The following CSMD1 variants were observed in gnomAD, a reference collection of about 807,000 sequenced individuals.
The protein encoded by CSMD1 is CUB and Sushi multiple domains 1.
In CSMD1, 213 loss-of-function variants were observed where a neutral mutation model predicts 417.5. The observed-to-expected ratio is 0.51, with a 90% CI of 0.46 to 0.57. The LOEUF is 0.57. Among genes scored for constraint, CSMD1 ranks in the 20% least tolerant of loss-of-function variants. The pLI, the probability that CSMD1 is intolerant of heterozygous loss-of-function variation, is 0.00. For synonymous variants in CSMD1, 2,862 were observed against 1,736.8 expected (o/e 1.65, Z -16.11); for missense variants, 6,923 against 4,529.7 (o/e 1.53, Z -15.17).
intron 1 of CSMD1, among the ~76,000 whole-genome samples, chr8:4,764,885 A>ACAAAACAAAAC (rs1263324929): frequency 2.7e-5 from 2 of 74,810 alleles, no homozygotes; most frequent in Admixed American, 1.7e-4. Flanking sequence ...AAAAAAAAAA[A>ACAAAACAAAAC]AAAAAAAAAC....
At chr8:4,317,174 CA>C (rs1386323178) in intron 3 of CSMD1, among the ~76,000 whole-genome samples, 1 of 152,130 alleles carries the variant, frequency 6.6e-6, no homozygotes, top group Non-Finnish European at 1.5e-5. Context: ...TAAAGTTTTA[CA>C]GTTTATAAAG....
chr8:4,460,265 G>A (rs555545198), intron 2 of CSMD1, among the ~76,000 whole-genome samples: 2 of 151,568 alleles, frequency 1.3e-5, no homozygotes, highest in South Asian at 2.1e-4. Context: ...AAATCACTAG[G>A]GAAATTTAAA....
At chr8:3,902,819 T>C (rs564578577) in intron 5 of CSMD1, among the ~76,000 whole-genome samples, 31 of 152,248 alleles carry the variant, frequency 2.0e-4, no homozygotes, top group Non-Finnish European at 4.0e-4. Flanking sequence ...AATTACATAA[T>C]GCACTGACTG....
intron 3 of CSMD1, among the ~76,000 whole-genome samples, chr8:4,093,371 T>A (rs1002480099): frequency 6.6e-6 from 1 of 152,288 alleles, no homozygotes; most frequent in South Asian, 2.1e-4. Context: ...AAATTTTATA[T>A]TTAACGTGAT....
intron 2 of CSMD1, among the ~76,000 whole-genome samples, chr8:4,584,815 T>C (rs1454466049): frequency 6.6e-6 from 1 of 152,170 alleles, no homozygotes; most frequent in Non-Finnish European, 1.5e-5. Flanking sequence ...TTGCTACCTG[T>C]CTCTGGTGCT....
intron 2 of CSMD1, among the ~76,000 whole-genome samples, chr8:4,493,331 C>G (rs1253903688): frequency 2.6e-5 from 4 of 152,012 alleles, no homozygotes; most frequent in Non-Finnish European, 5.9e-5. Flanking sequence ...TGTGTATGTT[C>G]ACTCTTAACT....
intron 3 of CSMD1, among the ~76,000 whole-genome samples, chr8:4,383,601 T>A (rs1179437783): frequency 6.6e-6 from 1 of 152,148 alleles, no homozygotes; most frequent in East Asian, 1.9e-4. Flanking sequence ...TGGAAGTGTT[T>A]AATAAAGACG....
At chr8:4,132,646 T>C (rs1225581420) in intron 3 of CSMD1, among the ~76,000 whole-genome samples, 1 of 152,134 alleles carries the variant, frequency 6.6e-6, no homozygotes, top group African/African-American at 2.4e-5. Context: ...AAATAAATAT[T>C]CTATCTTCAC....
At chr8:4,469,344 A>AT (rs986535666) in intron 2 of CSMD1, among the ~76,000 whole-genome samples, 20 of 152,124 alleles carry the variant, frequency 1.3e-4, no homozygotes, top group African/African-American at 4.6e-4. Context: ...AAGTCTTGTT[A>AT]TTTTACCTTG....
rs374368274 is a variant in CSMD1 at position 4,146,724 on chromosome 8, G to A, written c.416-114625C>T. Among the ~76,000 whole-genome samples, 38 of 141,976 alleles carry A rather than the reference G, an allele frequency of 2.7e-4. 1 individual carries two copies. The highest frequency in any genetic ancestry group is 2.6e-3 in the East Asian group (12 of 4,616). The allele number at this position is 141,976 out of a possible 152,430, so 93.1% of individuals were successfully genotyped here. ...CCTCCCGAGTTCACGCCATTCTCCT[G>A]CCTCAGCCTCCAGAGGAGCTGGGAC... is the stretch of plus-strand genomic sequence containing the variant. On this transcript the variant is annotated intron_variant, in intron 3 of 69. Coordinates refer to ENST00000635120, the MANE Select transcript of CSMD1 (RefSeq NM_033225.6).
chr8:4,129,962 G>C (rs1244477024), intron 3 of CSMD1, among the ~76,000 whole-genome samples: 1 of 151,986 alleles, frequency 6.6e-6, no homozygotes, highest in East Asian at 1.9e-4. Context: ...CAAATTTTCA[G>C]TTTCTTCCCA....
chr8:4,668,452 ATTAT>A, intron 1 of CSMD1, among the ~76,000 whole-genome samples: 1 of 145,454 alleles, frequency 6.9e-6, no homozygotes, highest in South Asian at 2.2e-4. Context: ...TATTATTATT[ATTAT>A]TATTATTATT....
At chr8:4,408,548 A>G (rs1796468543) in intron 3 of CSMD1, among the ~76,000 whole-genome samples, 1 of 152,184 alleles carries the variant, frequency 6.6e-6, no homozygotes. Flanking sequence ...TCCTATTTAG[A>G]TTTATATTAC....
intron 5 of CSMD1, among the ~76,000 whole-genome samples, chr8:3,970,284 A>G (rs570944828): frequency 1.3e-5 from 2 of 152,214 alleles, no homozygotes; most frequent in African/African-American, 4.8e-5. Flanking sequence ...AAGCCTTTGA[A>G]ACAGTCTTTC....
chr8:4,773,414 G>T (rs1432783625), intron 1 of CSMD1, among the ~76,000 whole-genome samples: 1 of 152,164 alleles, frequency 6.6e-6, no homozygotes, highest in Non-Finnish European at 1.5e-5. Flanking sequence ...TGCAGCAGTT[G>T]CTTTACTAAC....
chr8:3,160,658 C>T (rs1323089876), intron 38 of CSMD1, among the ~76,000 whole-genome samples: 1 of 152,184 alleles, frequency 6.6e-6, no homozygotes, highest in East Asian at 1.9e-4. Context: ...TAGGTTTGTT[C>T]TTACGAAGGT....
rs551166144 is a variant in CSMD1, at chr8:3,261,697, G to A, written c.4153+22447C>T. 1.6e-3 allele frequency among the ~76,000 whole-genome samples: 245 copies of A among 152,118 alleles called. 1 individual carries two copies. The highest frequency in any genetic ancestry group is 5.8e-3 in the African/African-American group (241 of 41,516). ...AATATGCCCTGGATTCATGCAACAA[G>A]CCGGCCCCATCAGCACCCACAGAAA... On this transcript the variant is annotated intron_variant, in intron 26 of 69. Transcript: ENST00000635120.
intron 5 of CSMD1, among the ~76,000 whole-genome samples, chr8:3,983,838 G>T (rs747947678): frequency 1.3e-5 from 2 of 148,640 alleles, no homozygotes; most frequent in Admixed American, 6.7e-5. Flanking sequence ...GGCAGATCTG[G>T]CCGGCTGTCA....
chr8:3,580,130 A>T (rs79717406), intron 9 of CSMD1, among the ~76,000 whole-genome samples: 1 of 152,046 alleles, frequency 6.6e-6, no homozygotes, highest in Non-Finnish European at 1.5e-5. Context: ...AAAAAGAAAG[A>T]AAAAAAGTAT....
Sources: allele counts gnomAD v4.1 joint callset (sites outside exome capture counted in the v4.1 genomes callset), GRCh38; gene constraint gnomAD v4.1.1; transcripts MANE v1.5; gene names NCBI Gene and HGNC (gene_info 2026-07-23, HGNC 2026-07-21).